The following KCNK2 variants were observed in gnomAD, a reference collection of about 807,000 sequenced individuals.
The protein encoded by KCNK2 is potassium channel subfamily K member 2.
Under a neutral mutation model 40.5 loss-of-function variants are expected in KCNK2, and 21 were observed. That is an observed-to-expected ratio of 0.52 (90% CI 0.37 to 0.75). The LOEUF (loss-of-function observed/expected upper bound fraction) is 0.75, where lower values mean the gene tolerates loss of function less well. Among genes scored for constraint, KCNK2 ranks in the 30% least tolerant of loss-of-function variants. The pLI is 0.00. For synonymous variants in KCNK2, 191 were observed against 202.2 expected (o/e 0.94, Z 0.47); for missense variants, 399 against 531.6 (o/e 0.75, Z 2.45).
intron 2 of KCNK2, among the ~76,000 whole-genome samples, chr1:215,093,367 T>C (rs1488717601): frequency 1.4e-5 from 2 of 139,774 alleles, no homozygotes; most frequent in East Asian, 4.1e-4. Context: ...ATACATATAT[T>C]ATATATAAAA....
At chr1:215,116,879 TA>T (rs1392248472) in intron 2 of KCNK2, among the ~76,000 whole-genome samples, 1 of 151,932 alleles carries the variant, frequency 6.6e-6, no homozygotes, top group African/African-American at 2.4e-5. Flanking sequence ...ACCTTGAAAA[TA>T]TGCTTATCAG....
At chr1:215,104,686 A>C (rs1003699758) in intron 2 of KCNK2, among the ~76,000 whole-genome samples, 6 of 152,142 alleles carry the variant, frequency 3.9e-5, no homozygotes, top group African/African-American at 1.4e-4. Flanking sequence ...TTTAAAAAGG[A>C]CTTCACAAAT....
intron 1 of KCNK2, 45 bp from the exon 2 acceptor site, chr1:215,086,323 C>T: frequency 6.7e-7 from 1 of 1,503,690 alleles, no homozygotes; most frequent in Non-Finnish European, 9.2e-7. Context: ...GACCAATTCC[C>T]TTCTCATCTC....
At chr1:215,180,886 G>A (rs1664193171) in intron 5 of KCNK2, among the ~76,000 whole-genome samples, 3 of 152,086 alleles carry the variant, frequency 2.0e-5, no homozygotes, top group South Asian at 2.1e-4. Context: ...TGGATTTCTT[G>A]TATCTGAATG....
At chr1:215,086,786 T>C in intron 2 of KCNK2, 108 bp downstream of exon 2, 1 of 936,658 alleles carries the variant, frequency 1.1e-6, no homozygotes, top group South Asian at 1.6e-5. Flanking sequence ...GTGGGAGCCC[T>C]ATCCCACCTC....
chr1:215,084,779 A>G (rs1659358036), intron 1 of KCNK2, among the ~76,000 whole-genome samples: 1 of 152,212 alleles, frequency 6.6e-6, no homozygotes. Context: ...TTGCTGTAAT[A>G]AGCTATATGT....
chr1:215,080,885 G>T (rs1659128211), upstream of KCNK2, among the ~76,000 whole-genome samples: 1 of 152,184 alleles, frequency 6.6e-6, no homozygotes, highest in Admixed American at 6.5e-5. Flanking sequence ...TCTAAGTGTT[G>T]CTGTGAAGGT....
At chr1:215,032,627 T>C in intron 1 of KCNK2, among the ~76,000 whole-genome samples, 1 of 152,220 alleles carries the variant, frequency 6.6e-6, no homozygotes, top group East Asian at 1.9e-4. Flanking sequence ...CTCCTTTACT[T>C]TTGAAGGATA....
intron 1 of KCNK2, among the ~76,000 whole-genome samples, chr1:215,036,389 T>G (rs1413051518): frequency 1.3e-5 from 2 of 151,986 alleles, no homozygotes; most frequent in African/African-American, 2.4e-5. Flanking sequence ...TCTGTTCCAT[T>G]GATCTATTTT....
chr1:215,151,913 T>C (rs141013137), intron 3 of KCNK2, among the ~76,000 whole-genome samples: 5 of 152,162 alleles, frequency 3.3e-5, no homozygotes, highest in African/African-American at 1.2e-4. Context: ...GTCCATTACT[T>C]CATGAAATTA....
intron 6 of KCNK2, among the ~76,000 whole-genome samples, chr1:215,225,421 G>A (rs1238099795): frequency 2.6e-5 from 4 of 152,078 alleles, no homozygotes; most frequent in Admixed American, 6.5e-5. Context: ...CTGGAAATTC[G>A]TGGTCAGAAT....
intron 6 of KCNK2, among the ~76,000 whole-genome samples, chr1:215,233,123 T>C (rs1666739176): frequency 6.6e-6 from 1 of 152,188 alleles, no homozygotes; most frequent in Non-Finnish European, 1.5e-5. Context: ...ATCTCCAGGA[T>C]AAATTCCTGT....
intron 3 of KCNK2, among the ~76,000 whole-genome samples, chr1:215,148,483 G>A (rs1427874240): frequency 2.0e-5 from 3 of 151,926 alleles, no homozygotes; most frequent in Admixed American, 6.6e-5. Flanking sequence ...TAGAACAGTA[G>A]AACTATCTAG....
At chr1:215,045,569 A>G (rs554155799) in intron 1 of KCNK2, among the ~76,000 whole-genome samples, 2 of 152,268 alleles carry the variant, frequency 1.3e-5, no homozygotes, top group Non-Finnish European at 2.9e-5. Flanking sequence ...TCCTAAATGC[A>G]TATGAAATAA....
In KCNK2 at chr1:215,214,483, A is replaced by G. The variant is rs149854598; in HGVS notation, c.963+19391A>G. On this transcript the variant is annotated intron_variant, in intron 6 of 6. Transcript: ENST00000444842. ...CATATCAGCATCCATGAATAGCGTC[A>G]TATTTTTGTGTTTACTAAAGCTATC... Among the ~76,000 whole-genome samples, 315 of 152,252 alleles carry G rather than the reference A, an allele frequency of 2.1e-3. 1 individual carries two copies. The highest frequency in any genetic ancestry group is 3.5e-3 in the Non-Finnish European group (236 of 68,018).
chr1:215,105,959 T>C (rs950868314), intron 2 of KCNK2, among the ~76,000 whole-genome samples: 18 of 152,288 alleles, frequency 1.2e-4, no homozygotes, highest in Admixed American at 7.9e-4. Context: ...TTGCATGGTG[T>C]ATATGTACCA....
intron 1 of KCNK2, among the ~76,000 whole-genome samples, chr1:215,075,485 C>T (rs1241982683): frequency 6.6e-6 from 1 of 152,132 alleles, no homozygotes. Context: ...TATGTTTACT[C>T]CATGATGACG....
At chr1:215,040,014 T>G (rs1300603038) in intron 1 of KCNK2, among the ~76,000 whole-genome samples, 2 of 151,938 alleles carry the variant, frequency 1.3e-5, no homozygotes, top group Admixed American at 6.6e-5. Context: ...TTTTTACAAG[T>G]GGGGAGGGAT....
intron 6 of KCNK2, among the ~76,000 whole-genome samples, chr1:215,208,357 G>A (rs139992951): frequency 2.4e-4 from 37 of 152,236 alleles, no homozygotes; most frequent in Middle Eastern, 3.4e-3. Flanking sequence ...CTACCTGAAG[G>A]GGGAGGGTGG....
Sources: gnomAD v4.1 joint callset for allele counts (sites outside exome capture counted in the v4.1 genomes callset) on GRCh38, gnomAD v4.1.1 for gene constraint, MANE v1.5 for transcripts, NCBI Gene and HGNC (gene_info 2026-07-23, HGNC 2026-07-21) for gene names.